DCAF8L2: variants seen among roughly 807,000 people sequenced by gnomAD.
DCAF8L2 encodes DDB1- and CUL4-associated factor 8-like protein 2.
For synonymous variants in DCAF8L2, 200 were observed against 190.9 expected (o/e 1.05, Z -0.39); for missense variants, 430 against 490.7 (o/e 0.88, Z 1.17).
At chrX:27,706,295 C>G (rs760516775) in intron 3 of DCAF8L2, among the ~76,000 whole-genome samples, 1 of 110,334 alleles carries the variant, frequency 9.1e-6, no homozygotes, top group Non-Finnish European at 1.9e-5. Context: ...GCTATTTGGG[C>G]TCCTTTTTTC....
At chrX:27,686,418 C>G (rs773282352) in intron 3 of DCAF8L2, among the ~76,000 whole-genome samples, 22 of 110,353 alleles carry the variant, frequency 2.0e-4, no homozygotes, top group Non-Finnish European at 3.4e-4. Context: ...AAATAAAATC[C>G]TTTCATTTGC....
At chrX:27,606,283 A>G (rs1330359333) in intron 1 of DCAF8L2, among the ~76,000 whole-genome samples, 3 of 89,069 alleles carry the variant, frequency 3.4e-5, no homozygotes, top group East Asian at 7.6e-4. Context: ...TTATATATAT[A>G]TAGGAATTAT....
At chrX:27,557,652 T>C in the DCAF8L2 span, among the ~76,000 whole-genome samples, 8 of 111,524 alleles carry the variant, frequency 7.2e-5, no homozygotes, top group Non-Finnish European at 1.5e-4. Flanking sequence ...GTAGAGGTTG[T>C]GCCTTCACAT....
intron 3 of DCAF8L2, among the ~76,000 whole-genome samples, chrX:27,685,319 T>C (rs2147245650): frequency 8.9e-6 from 1 of 112,071 alleles, no homozygotes; most frequent in Admixed American, 9.5e-5. Context: ...AGAATATCTG[T>C]CAGTAGTTTA....
chrX:27,539,953 T>G, the DCAF8L2 span, among the ~76,000 whole-genome samples: 1 of 110,607 alleles, frequency 9.0e-6, no homozygotes, highest in Non-Finnish European at 1.9e-5. Flanking sequence ...GTCAGTGTCC[T>G]TCTGCTTGCA....
the DCAF8L2 span, among the ~76,000 whole-genome samples, chrX:27,570,292 G>C: frequency 9.0e-6 from 1 of 111,046 alleles, no homozygotes; most frequent in Admixed American, 9.6e-5. Flanking sequence ...TAAGTGGACA[G>C]TACTATGACC....
intron 1 of DCAF8L2, among the ~76,000 whole-genome samples, chrX:27,612,717 T>G (rs1285720722): frequency 1.8e-5 from 2 of 111,992 alleles, no homozygotes; most frequent in African/African-American, 6.5e-5. Flanking sequence ...TTTCCCCATT[T>G]CTTGTTTTTG....
chrX:27,534,074 G>A, the DCAF8L2 span, among the ~76,000 whole-genome samples: 1 of 110,605 alleles, frequency 9.0e-6, no homozygotes, highest in Non-Finnish European at 1.9e-5. Context: ...AGCCAGGTGT[G>A]GTGGCACAGG....
chrX:27,589,572 A>G (rs1925987657), upstream of DCAF8L2, among the ~76,000 whole-genome samples: 2 of 111,982 alleles, frequency 1.8e-5, no homozygotes, highest in African/African-American at 6.5e-5. Flanking sequence ...TGAAAGATCA[A>G]TTTACCAAAC....
chrX:27,705,848 A>G (rs1478797148), intron 3 of DCAF8L2, among the ~76,000 whole-genome samples: 2 of 111,738 alleles, frequency 1.8e-5, no homozygotes, highest in African/African-American at 6.5e-5. Flanking sequence ...CATCTTTGTC[A>G]TGAAATATTT....
At chrX:27,648,764 G>A (rs1225106912) in intron 2 of DCAF8L2, among the ~76,000 whole-genome samples, 1 of 111,113 alleles carries the variant, frequency 9.0e-6, no homozygotes, top group Non-Finnish European at 1.9e-5. Flanking sequence ...GAACAAGGTG[G>A]ACAAAGCACA....
intron 4 of DCAF8L2, among the ~76,000 whole-genome samples, chrX:27,736,581 A>G (rs1324671563): frequency 8.9e-6 from 1 of 112,214 alleles, no homozygotes; most frequent in Non-Finnish European, 1.9e-5. Context: ...AAATTGTTCA[A>G]ATTTAATTAA....
chrX:27,719,845 C>T (rs1050843881), intron 4 of DCAF8L2, among the ~76,000 whole-genome samples: 1 of 111,427 alleles, frequency 9.0e-6, no homozygotes, highest in Non-Finnish European at 1.9e-5. Flanking sequence ...TTCTTCCATT[C>T]GGTGTATGGC....
At chrX:27,592,793 C>T (rs2147109096) in intron 1 of DCAF8L2, among the ~76,000 whole-genome samples, 1 of 103,898 alleles carries the variant, frequency 9.6e-6, no homozygotes, top group Non-Finnish European at 2.0e-5. Flanking sequence ...TGAAATTAAC[C>T]ATCTCAACCT....
At chrX:27,573,254 T>TCTCTCTCTCA in the DCAF8L2 span, among the ~76,000 whole-genome samples, 16 of 99,727 alleles carry the variant, frequency 1.6e-4, no homozygotes, top group South Asian at 4.5e-4. Flanking sequence ...TCTCTCTCTC[T>TCTCTCTCTCA]CACACACACA....
At chrX:27,557,517 A>G in the DCAF8L2 span, among the ~76,000 whole-genome samples, 1 of 112,018 alleles carries the variant, frequency 8.9e-6, no homozygotes, top group Admixed American at 9.5e-5. Context: ...GTTAGATTCT[A>G]TAAGAGTAGT....
chrX:27,482,858 G>T, the DCAF8L2 span, among the ~76,000 whole-genome samples: 1 of 111,208 alleles, frequency 9.0e-6, no homozygotes, highest in Non-Finnish European at 1.9e-5. Flanking sequence ...GTTATTTTGA[G>T]ATTACCACTC....
At chrX:27,689,321 G>A (rs1292230227) in intron 3 of DCAF8L2, among the ~76,000 whole-genome samples, 1 of 112,178 alleles carries the variant, frequency 8.9e-6, no homozygotes, top group Non-Finnish European at 1.9e-5. Context: ...TTGGCTCACT[G>A]CCAACCTCCG....
At chrX:27,742,027 C>T (rs1921880803) in intron 4 of DCAF8L2, among the ~76,000 whole-genome samples, 1 of 111,518 alleles carries the variant, frequency 9.0e-6, no homozygotes, top group African/African-American at 3.3e-5. Flanking sequence ...TAAAATAGAT[C>T]TTCGTTATTT....
Sources: gnomAD v4.1 joint callset for allele counts (sites outside exome capture counted in the v4.1 genomes callset) on GRCh38, gnomAD v4.1.1 for gene constraint, MANE v1.5 for transcripts, NCBI Gene and HGNC (gene_info 2026-07-23, HGNC 2026-07-21) for gene names.